LEPROTL1: variants seen among roughly 807,000 people sequenced by gnomAD.
LEPROTL1 encodes leptin receptor overlapping transcript-like 1.
Under a neutral mutation model 15.4 loss-of-function variants are expected in LEPROTL1, and 6 were observed. The observed-to-expected ratio is 0.39, with a 90% CI of 0.21 to 0.77. LEPROTL1 has a LOEUF of 0.77. Among genes scored for constraint, LEPROTL1 ranks in the 30% least tolerant of loss-of-function variants. The probability of loss-of-function intolerance (pLI) is 0.41; values close to 1 mark genes in which losing one functional copy is unlikely to be tolerated. For missense variants in LEPROTL1, 128 were observed against 158.1 expected (o/e 0.81, Z 1.02); for synonymous variants, 56 against 52.6 (o/e 1.06, Z -0.28).
intron 3 of LEPROTL1, among the ~76,000 whole-genome samples, chr8:30,117,046 G>A (rs559429528): frequency 4.6e-5 from 7 of 152,266 alleles, no homozygotes; most frequent in South Asian, 4.1e-4. Flanking sequence ...AGATGTGTGA[G>A]TAGAGGAAAA....
rs531685732 is a variant in LEPROTL1, at chr8:30,106,002, T to G, written c.*140T>G. ...TTAGGTGCTCCCTTCTCACTTTTAT[T>G]GTAAGCATACTATTTTCACAGAGAC... is the stretch of plus-strand genomic sequence containing the variant. On this transcript the variant is annotated 3_prime_UTR_variant, in exon 4 of 4. Transcript: ENST00000321250. 5 of 1,263,178 alleles carry G rather than the reference T, an allele frequency of 4.0e-6. No homozygotes were observed. In the African/African-American group the frequency reaches 7.7e-5, roughly 20 times the overall value. 78.2% of individuals were successfully genotyped at this position (1,263,178 alleles called of 1,614,324 possible). A position where few individuals can be genotyped will look rare whatever the true frequency, so the allele number is the denominator to read the frequency against.
At position 30,132,676 on chromosome 8, in the gene LEPROTL1, C is replaced by T. The variant is rs927697384; in HGVS notation, c.394+187C>T. On this transcript the variant is annotated intron_variant, in intron 4 of 4. Coordinates refer to the LEPROTL1 transcript ENST00000442880. ...GTGTCTGGGATGCAAAGCACTGGAC[C>T]CTTGAACACGAGCCTGAAATCGCTG... 2.1e-5 allele frequency: 32 copies of T among 1,551,702 alleles called. No homozygotes were observed. In the Admixed American group the frequency reaches 5.3e-4, roughly 26 times the overall value.
At chr8:30,135,783 G>A (rs1803126243) in intron 4 of LEPROTL1, among the ~76,000 whole-genome samples, 2 of 151,866 alleles carry the variant, frequency 1.3e-5, no homozygotes, top group Admixed American at 6.6e-5. Flanking sequence ...ATGTGGTGGT[G>A]CATGCCTGTG....
downstream of LEPROTL1, chr8:30,138,042 A>G (rs981522157): frequency 5.8e-6 from 1 of 173,032 alleles, no homozygotes; most frequent in South Asian, 1.3e-4. Flanking sequence ...GACTCAATGC[A>G]AGAAGACTGT....
At chr8:30,110,126 T>C (rs17490430), downstream of LEPROTL1, among the ~76,000 whole-genome samples, 1,504 of 152,348 alleles carry the variant, frequency 9.9e-3, 8 homozygotes, top group Non-Finnish European at 0.015. Flanking sequence ...CAAGAAACTT[T>C]ATACTGTATG....
At chr8:30,097,698 TACACACACAC>T (rs71204262) in intron 1 of LEPROTL1, among the ~76,000 whole-genome samples, 7 of 108,772 alleles carry the variant, frequency 6.4e-5, no homozygotes, top group South Asian at 6.6e-4. Context: ...TATATATATA[TACACACACAC>T]ACACACACAC....
intron 4 of LEPROTL1, among the ~76,000 whole-genome samples, chr8:30,134,751 T>C (rs1368361394): frequency 3.9e-5 from 6 of 152,214 alleles, no homozygotes; most frequent in African/African-American, 1.4e-4. Flanking sequence ...TTTCGCCATG[T>C]CTGCCAGGCT....
At chr8:30,137,770 C>A (rs1585486378), downstream of LEPROTL1, 4 of 431,370 alleles carry the variant, frequency 9.3e-6, no homozygotes, top group East Asian at 1.6e-4. Flanking sequence ...CCAAAACAAA[C>A]CCCCTTCTTG....
In LEPROTL1 at chr8:30,101,822, T is replaced by C. The variant is rs1441444756; in HGVS notation, c.17-76T>C. ...GGATTTTTGCTTCTGAGGTTACAGA[T>C]AATGTTCAGACTGCTGATATTAATA... On this transcript the variant is annotated intron_variant, in intron 1 of 3. Transcript: ENST00000321250. 4.6e-6 allele frequency: 4 copies of C among 875,424 alleles called. No individual in the cohort carries two copies. In the African/African-American group the frequency reaches 6.8e-5, roughly 15 times the overall value. 54.2% of individuals were successfully genotyped at this position (875,424 alleles called of 1,614,324 possible). A position where few individuals can be genotyped will look rare whatever the true frequency, so the allele number is the denominator to read the frequency against.
intron 3 of LEPROTL1, among the ~76,000 whole-genome samples, chr8:30,121,072 T>C (rs1802821734): frequency 1.3e-5 from 2 of 152,138 alleles, no homozygotes; most frequent in South Asian, 4.1e-4. Context: ...TAGCGTTTGT[T>C]CTTCTGGGAC....
At chr8:30,110,825 A>C (rs752269771), downstream of LEPROTL1, among the ~76,000 whole-genome samples, 2 of 152,232 alleles carry the variant, frequency 1.3e-5, no homozygotes, top group Non-Finnish European at 2.9e-5. Context: ...ATAGAATAAA[A>C]TACTAAAGAA....
At chr8:30,131,591 G>A (rs561198820) in intron 3 of LEPROTL1, among the ~76,000 whole-genome samples, 1 of 152,256 alleles carries the variant, frequency 6.6e-6, no homozygotes, top group South Asian at 2.1e-4. Context: ...CCAGGATCAG[G>A]TGGGTCAACT....
chr8:30,135,427 G>A (rs2117539321), intron 4 of LEPROTL1, among the ~76,000 whole-genome samples: 1 of 152,288 alleles, frequency 6.6e-6, no homozygotes, highest in East Asian at 1.9e-4. Context: ...AAGATAGGAA[G>A]CTGAAGATTT....
rs766120803 is a variant in LEPROTL1 at position 30,106,910 on chromosome 8, T to C, written c.*1048T>C. 3.7e-5 allele frequency: 36 copies of C among 984,056 alleles called. No homozygotes were observed. Among genetic ancestry groups the C allele is most frequent in the Admixed American group, 6.1e-5 (1 of 16,262 alleles). 61.0% of individuals were successfully genotyped at this position (984,056 alleles called of 1,614,324 possible). On this transcript the variant is annotated 3_prime_UTR_variant, in exon 4 of 4. Transcript: ENST00000321250. ...TTTAATAACACTTAGAAGTGTTTAC[T>C]TACCTGGAAAATAATTGCTATGCCG...
In LEPROTL1 at chr8:30,107,831, T is replaced by A; in HGVS notation, c.*1969T>A. 1.0e-6 allele frequency: 1 copy of A among 985,446 alleles called. No homozygotes were observed. The highest frequency in any genetic ancestry group is 1.2e-6 in the Non-Finnish European group (1 of 829,930). The allele number at this position is 985,446 out of a possible 1,614,324, so 61.0% of individuals were successfully genotyped here. A position where few individuals can be genotyped will look rare whatever the true frequency, so the allele number is the denominator to read the frequency against. On this transcript the variant is annotated 3_prime_UTR_variant, in exon 4 of 4. Coordinates refer to ENST00000321250, the MANE Select transcript of LEPROTL1 (RefSeq NM_015344.3). ...GTCAGTGCAGTGCACTGCTACTGTTTTATCCACTTGGCCACAGACTTTTTC... is the reference window on the plus strand; with the variant it reads ...GTCAGTGCAGTGCACTGCTACTGTTATATCCACTTGGCCACAGACTTTTTC...
Position 30,105,771 on chromosome 8 carries a change from T to C in LEPROTL1, c.305T>C (p.Val102Ala). ...HLIEWGACAL[V>A]LTGNTVIFAT... ...ATTGAGTGGGGAGCTTGTGCACTTG[T>C]TCTCACAGGAAACACAGTCATCTTT... The change falls in exon 4 of 4, where the codon GTT becomes GCT. Residue 102 changes from valine (V) to alanine (A), a missense_variant. Val to Ala is a moderately conservative substitution (Grantham distance 64, BLOSUM62 0). Coordinates refer to ENST00000321250, the MANE Select transcript of LEPROTL1 (RefSeq NM_015344.3). 6.3e-7 allele frequency: 1 copy of C among 1,590,096 alleles called. No individual in the cohort carries two copies. Among genetic ancestry groups the C allele is most frequent in the Non-Finnish European group, 8.6e-7 (1 of 1,167,046 alleles).
At chr8:30,122,427 T>C (rs1379706157) in intron 3 of LEPROTL1, among the ~76,000 whole-genome samples, 1 of 152,192 alleles carries the variant, frequency 6.6e-6, no homozygotes, top group Non-Finnish European at 1.5e-5. Flanking sequence ...ATTATTGGCC[T>C]GTACCACTTC....
exon 5 of LEPROTL1, chr8:30,137,630 A>G (rs1803177750): frequency 1.4e-6 from 1 of 739,876 alleles, no homozygotes; most frequent in Non-Finnish European, 2.2e-6. Flanking sequence ...AGACAGTGAA[A>G]GAAGTCTGAC....
intron 3 of LEPROTL1, chr8:30,117,299 A>G (rs1388110789): frequency 2.9e-6 from 2 of 701,380 alleles, no homozygotes; most frequent in East Asian, 5.3e-5. Context: ...ACCAGCCTGG[A>G]CAAAATAGTG....
Sources: allele counts gnomAD v4.1 joint callset (sites outside exome capture counted in the v4.1 genomes callset), GRCh38; gene constraint gnomAD v4.1.1; transcripts MANE v1.5; gene names NCBI Gene and HGNC (gene_info 2026-07-23, HGNC 2026-07-21).